Variants in FCSK observed in about 807,000 individuals in gnomAD.
FCSK encodes the protein L-fucose kinase.
In FCSK, 123 loss-of-function variants were observed where a neutral mutation model predicts 122.5. The observed-to-expected ratio is 1.00, with a 90% CI of 0.87 to 1.17. FCSK has a LOEUF of 1.17. Among genes scored for constraint, FCSK ranks in the 50% most tolerant of loss-of-function variants. The pLI, the probability that FCSK is intolerant of heterozygous loss-of-function variation, is 0.00. For synonymous variants in FCSK, 620 were observed against 625.5 expected (o/e 0.99, Z 0.13); for missense variants, 1,366 against 1,450.4 (o/e 0.94, Z 0.95).
intron 8 of FCSK, 85 bp from the exon 9 acceptor site, chr16:70,468,764 G>A: frequency 6.5e-7 from 1 of 1,535,388 alleles, no homozygotes; most frequent in Non-Finnish European, 8.9e-7. Context: ...AGCTTCATGT[G>A]GCCCATCTGC....
intron 20 of FCSK, among the ~76,000 whole-genome samples, chr16:70,477,149 C>G (rs534704202): frequency 1.4e-3 from 220 of 152,318 alleles, no homozygotes; most frequent in Middle Eastern, 0.01. Flanking sequence ...CTATCAAGGG[C>G]CTGTCCCAGA....
Position 70,473,211 on chromosome 16 carries a change from T to C in FCSK, c.1635T>C (p.Ser545=), listed in dbSNP as rs1567707973. 1 of 1,536,764 alleles carries C rather than the reference T, an allele frequency of 6.5e-7. No homozygotes were observed. Among genetic ancestry groups the C allele is most frequent in the South Asian group, 1.2e-5 (1 of 83,958 alleles). ...TGGATCGGGCTGCCACGCTGGCCTCTCGCCGGGACCTGTTCTTCCGCCAGG... is the reference window on the plus strand; with the variant it reads ...TGGATCGGGCTGCCACGCTGGCCTCCCGCCGGGACCTGTTCTTCCGCCAGG... ...PCLDRAATLA[S]RRDLFFRQAL... Residue 545 remains serine, a synonymous_variant, in exon 15 of 24, where the codon TCT becomes TCC. Coordinates refer to ENST00000288078, the MANE Select transcript of FCSK (RefSeq NM_145059.3). The surrounding 1 kb of genome is among the most constrained non-coding windows in gnomAD (Gnocchi z 4.9).
intron 6 of FCSK, 186 bp downstream of exon 6, chr16:70,467,140 C>A: frequency 1.5e-6 from 1 of 665,594 alleles, no homozygotes; most frequent in Non-Finnish European, 2.7e-6. Context: ...GTCTGTCTGT[C>A]TATAGGATGG....
rs759951573 is a variant in FCSK at position 70,473,256 on chromosome 16, C to T, written c.1680C>T (p.His560=). 2.1e-5 allele frequency: 32 copies of T among 1,532,146 alleles called. No individual in the cohort carries two copies. The highest frequency in any genetic ancestry group is 8.4e-5 in the South Asian group (7 of 83,806). 94.9% of individuals were successfully genotyped at this position (1,532,146 alleles called of 1,614,324 possible). ...FFRQALHKAR[H]VLEARQDLSL... ...GCCAGGCCCTGCATAAGGCGCGGCA[C>T]GTGCTGGAGGCCCGGCAGGACCTCA... The change falls in exon 15 of 24, where the codon CAC becomes CAT. Residue 560 remains histidine, a synonymous_variant. Coordinates refer to ENST00000288078, the MANE Select transcript of FCSK (RefSeq NM_145059.3). This position sits in a 1 kb window ranked among gnomAD's most constrained non-coding sequence, Gnocchi z 4.9.
rs757891226 is a variant in FCSK, at chr16:70,478,345, A to G, written c.2715A>G (p.Pro905=). Reference sequence around the variant, plus strand: ...TGGGGCGCTCCCGGGCTCAGCTGCCACTGAAGGTGGAGGTAGAAGAGGTCA... The same window carrying G: ...TGGGGCGCTCCCGGGCTCAGCTGCCGCTGAAGGTGGAGGTAGAAGAGGTCA... ...IKVGRSRAQL[P]LKVEVEEVTV... The change falls in exon 21 of 24, where the codon CCA becomes CCG. Residue 905 remains proline (P), a synonymous_variant. Transcript: ENST00000288078. 13 of 1,614,214 alleles carry G rather than the reference A, an allele frequency of 8.1e-6. No homozygotes were observed. The highest frequency in any genetic ancestry group is 1.1e-5 in the Non-Finnish European group (13 of 1,180,032).
intron 7 of FCSK, 85 bp downstream of exon 7, chr16:70,467,556 C>G: frequency 9.5e-7 from 1 of 1,048,710 alleles, no homozygotes; most frequent in Non-Finnish European, 1.4e-6. Context: ...TGGGCAGCCT[C>G]TCATCCTGGA....
chr16:70,467,020 C>T (rs1019963922), intron 6 of FCSK, 66 bp downstream of exon 6: 3 of 1,477,362 alleles, frequency 2.0e-6, no homozygotes, highest in Admixed American at 1.7e-5. Flanking sequence ...CAGCTCTGCC[C>T]TTCTTGCCCA....
chr16:70,472,454 C>A, intron 13 of FCSK, 87 bp from the exon 14 acceptor site: 1 of 1,056,598 alleles, frequency 9.5e-7, no homozygotes, highest in South Asian at 1.5e-5. Flanking sequence ...CATGTGAGCA[C>A]TTGAGCAGCT....
chr16:70,458,308 C>G (rs1339967671), intron 1 of FCSK, among the ~76,000 whole-genome samples: 3 of 150,836 alleles, frequency 2.0e-5, no homozygotes, highest in Non-Finnish European at 3.0e-5. Context: ...TACAGGCACC[C>G]GCCACCATGC....
intron 2 of FCSK, 150 bp downstream of exon 2, chr16:70,463,422 A>C: frequency 1.1e-6 from 1 of 907,708 alleles, no homozygotes; most frequent in Admixed American, 2.3e-5. Flanking sequence ...GTGGCATGTC[A>C]TTCCTTGTGC....
At chr16:70,478,028 A>G in intron 20 of FCSK, 1 of 540,048 alleles carries the variant, frequency 1.9e-6, no homozygotes, top group Non-Finnish European at 3.3e-6. Context: ...CCCAATTCCA[A>G]TTATACATTA....
chr16:70,478,689 CG>C (rs1567715358), intron 22 of FCSK, 39 bp downstream of exon 22: 1 of 1,548,342 alleles, frequency 6.5e-7, no homozygotes, highest in East Asian at 2.3e-5. Flanking sequence ...GCACTGGGAG[CG>C]AGTATTCTGT....
chr16:70,469,221 A>C lies in FCSK; in HGVS notation c.853A>C (p.Arg285=). The change falls in exon 10 of 24, where the codon AGG becomes CGG. Residue 285 remains arginine (R), a synonymous_variant. Coordinates refer to ENST00000288078, the MANE Select transcript of FCSK (RefSeq NM_145059.3). The stretch of plus-strand genomic sequence containing the variant: ...GACCAGGGAGGACTTCCTGGTGGGG[A>C]GGCCCCCAGAGTTGGGGCAAGGCGA... The part of the protein sequence containing the change: ...NVTREDFLVG[R]PPELGQGDAD... 6.2e-7 allele frequency: 1 copy of C among 1,613,890 alleles called. No homozygotes were observed. The highest frequency in any genetic ancestry group is 8.5e-7 in the Non-Finnish European group (1 of 1,179,940).
At chr16:70,459,842 C>T (rs2048207575) in intron 1 of FCSK, among the ~76,000 whole-genome samples, 1 of 151,714 alleles carries the variant, frequency 6.6e-6, no homozygotes, top group South Asian at 2.1e-4. Flanking sequence ...GCTCTTCTTG[C>T]CCAGGCTGGA....
chr16:70,460,296 A>T (rs1424182070), intron 1 of FCSK, among the ~76,000 whole-genome samples: 2 of 150,608 alleles, frequency 1.3e-5, no homozygotes, highest in African/African-American at 4.9e-5. Flanking sequence ...TATTTTTAGT[A>T]GAGACGGGGT....
At chr16:70,472,395 A>G in intron 13 of FCSK, 146 bp from the exon 14 acceptor site, 1 of 597,550 alleles carries the variant, frequency 1.7e-6, no homozygotes, top group South Asian at 2.2e-5. Context: ...ACACCACTGC[A>G]CTCCAGCCTG....
At chr16:70,465,061 G>A (rs1430015335) in intron 3 of FCSK, 65 bp from the exon 4 acceptor site, 9 of 1,600,586 alleles carry the variant, frequency 5.6e-6, no homozygotes, top group African/African-American at 4.0e-5. Context: ...CTCTGGATTC[G>A]AGGGTGCCAT....
chr16:70,472,736 G>A (rs2048668309), intron 14 of FCSK, 131 bp downstream of exon 14: 1 of 857,978 alleles, frequency 1.2e-6, no homozygotes, highest in African/African-American at 1.7e-5. Context: ...GGTGGTTTTG[G>A]GCAGCCGGAT....
intron 1 of FCSK, among the ~76,000 whole-genome samples, chr16:70,460,620 G>A (rs912146643): frequency 1.2e-4 from 18 of 151,954 alleles, no homozygotes; most frequent in African/African-American, 4.1e-4. Flanking sequence ...GGCCAGGCTG[G>A]TCTCAAACTC....
Sources: allele counts gnomAD v4.1 joint callset (sites outside exome capture counted in the v4.1 genomes callset), GRCh38; gene constraint gnomAD v4.1.1; non-coding constraint Gnocchi (gnomAD v3.1); transcripts MANE v1.5; gene names NCBI Gene and HGNC (gene_info 2026-07-23, HGNC 2026-07-21).